The following LARP4B variants were observed in gnomAD, a reference collection of about 807,000 sequenced individuals.
LARP4B encodes the protein La ribonucleoprotein 4B.
Under a neutral mutation model 89.8 loss-of-function variants are expected in LARP4B, and 12 were observed. The observed-to-expected ratio is 0.13, with a 90% confidence interval of 0.09 to 0.22. The LOEUF (loss-of-function observed/expected upper bound fraction) is 0.22, where lower values mean the gene tolerates loss of function less well. Among genes scored for constraint, LARP4B ranks in the 10% least tolerant of loss-of-function variants. The pLI, the probability that LARP4B is intolerant of heterozygous loss-of-function variation, is 1.00. For synonymous variants in LARP4B, 367 were observed against 363.3 expected (o/e 1.01, Z -0.12); for missense variants, 757 against 947.7 (o/e 0.80, Z 2.64).
In LARP4B at chr10:830,951, A is replaced by G; in HGVS notation, c.777T>C (p.Asp259=). ...VEEVEALFKG[D]NLPKFINCEF... is the part of the protein sequence containing the mutation. ...CACAGTTTATAAATTTTGGTAAATT[A>G]TCTCCTTTAAATAGTGCTTCTACTT... The change falls in exon 9 of 18, where the codon GAT becomes GAC. Residue 259 remains aspartate, a synonymous_variant. Transcript: ENST00000316157. The G allele has an allele frequency of 8.3e-7, 1 of 1,200,710 alleles. No homozygotes were observed. Among genetic ancestry groups the G allele is most frequent in the South Asian group, 1.2e-5 (1 of 80,660 alleles). 74.4% of individuals were successfully genotyped at this position (1,200,710 alleles called of 1,614,324 possible). A position where few individuals can be genotyped will look rare whatever the true frequency, so the allele number is the denominator to read the frequency against.
At chr10:823,160 G>A (rs1417927276) in intron 13 of LARP4B, among the ~76,000 whole-genome samples, 2 of 152,120 alleles carry the variant, frequency 1.3e-5, no homozygotes, top group East Asian at 1.9e-4. Context: ...AGTTGCATGC[G>A]CTTTCCCTGC....
At chr10:862,841 T>C (rs539422339) in intron 5 of LARP4B, among the ~76,000 whole-genome samples, 2 of 152,276 alleles carry the variant, frequency 1.3e-5, no homozygotes, top group Admixed American at 1.3e-4. Flanking sequence ...GAACATCTCC[T>C]TTCCCACCTA....
chr10:957,109 A>G, the LARP4B span, among the ~76,000 whole-genome samples: 1 of 152,110 alleles, frequency 6.6e-6, no homozygotes, highest in Non-Finnish European at 1.5e-5. Flanking sequence ...GGGAGAGTGC[A>G]AGCTCTTCCT....
intron 15 of LARP4B, 80 bp from the exon 16 acceptor site, chr10:815,150 G>A (rs1331024584): frequency 8.1e-6 from 12 of 1,480,612 alleles, no homozygotes; most frequent in African/African-American, 1.4e-5. Flanking sequence ...CACCCCACCC[G>A]TGAACAGCCT....
upstream of LARP4B, among the ~76,000 whole-genome samples, chr10:932,561 A>C (rs1474801723): frequency 1.9e-4 from 2 of 10,364 alleles, no homozygotes; most frequent in South Asian, 3.5e-3. Flanking sequence ...GCCCTGCCCC[A>C]AACTCCCACC....
intron 7 of LARP4B, among the ~76,000 whole-genome samples, chr10:841,424 G>A (rs994498010): frequency 8.5e-5 from 13 of 152,232 alleles, no homozygotes; most frequent in Admixed American, 7.2e-4. Context: ...GAGGAGATGG[G>A]ACGAAATAGG....
At chr10:907,115 G>T (rs997459048) in intron 1 of LARP4B, among the ~76,000 whole-genome samples, 3 of 152,206 alleles carry the variant, frequency 2.0e-5, no homozygotes, top group African/African-American at 7.2e-5. Flanking sequence ...CAGGAATACA[G>T]CATATCAAAT....
At chr10:827,820 T>C (rs1832710237) in intron 11 of LARP4B, among the ~76,000 whole-genome samples, 1 of 152,252 alleles carries the variant, frequency 6.6e-6, no homozygotes, top group Admixed American at 6.5e-5. Flanking sequence ...TCTGAGGTTC[T>C]CTCATGATAT....
intron 4 of LARP4B, 117 bp downstream of exon 4, chr10:864,006 C>G: frequency 1.3e-6 from 2 of 1,548,980 alleles, no homozygotes; most frequent in South Asian, 2.4e-5. Context: ...CTCTCAAGCA[C>G]TGCCACATAC....
In LARP4B at chr10:862,192, A is replaced by G. The variant is rs570795752; in HGVS notation, c.430+1551T>C. ...GAAACAAGCATGGCTTAATTTTTGT[A>G]CCTTTATAAATACTTGATTCATTTT... On this transcript the variant is annotated intron_variant, in intron 5 of 17. Coordinates refer to ENST00000316157, the MANE Select transcript of LARP4B (RefSeq NM_015155.3). Among the ~76,000 whole-genome samples the G allele has an allele frequency of 1.0e-4, 15 of 148,374 alleles. No homozygotes were observed. The East Asian group carries it at 2.2e-3, about 21-fold the overall frequency.
chr10:949,442 T>A, the LARP4B span, among the ~76,000 whole-genome samples: 1 of 148,018 alleles, frequency 6.8e-6, no homozygotes, highest in East Asian at 2.0e-4. Flanking sequence ...ATCCCACCAG[T>A]CCCACATGAG....
the LARP4B span, among the ~76,000 whole-genome samples, chr10:964,788 G>T: frequency 6.6e-6 from 1 of 152,218 alleles, no homozygotes; most frequent in African/African-American, 2.4e-5. Flanking sequence ...GGGGTGCCGG[G>T]GCTGCGGGGA....
At chr10:887,389 C>T (rs1352075082) in intron 1 of LARP4B, among the ~76,000 whole-genome samples, 1 of 150,758 alleles carries the variant, frequency 6.6e-6, no homozygotes, top group Non-Finnish European at 1.5e-5. Context: ...AAACATCATG[C>T]TATATACCTT....
At chr10:869,614 C>T (rs1359617773) in intron 3 of LARP4B, among the ~76,000 whole-genome samples, 4 of 152,042 alleles carry the variant, frequency 2.6e-5, no homozygotes, top group African/African-American at 7.2e-5. Context: ...TTGGCCAGCC[C>T]GGTGGCTCAT....
the LARP4B span, chr10:987,796 G>C: frequency 1.3e-5 from 2 of 152,330 alleles, no homozygotes; most frequent in Non-Finnish European, 2.9e-5. Context: ...CTCTCCTAAG[G>C]CACTGCGCGG....
chr10:814,815 T>C lies in LARP4B; in HGVS notation c.1856A>G (p.His619Arg). 1.3e-6 allele frequency: 2 copies of C among 1,599,346 alleles called. No homozygotes were observed. The highest frequency in any genetic ancestry group is 1.7e-6 in the Non-Finnish European group (2 of 1,168,668). ...PKVAEKQRET[H>R]SVDRLPSALT... ...GGCGGAAGGAAGTCTGTCCACACTG[T>C]GGGTTTCCCTCTGTTTCTCCGCCAC... Residue 619 changes from histidine (H) to arginine (R), a missense_variant, in exon 17 of 18, where the codon CAC becomes CGC. His to Arg is a conservative substitution (Grantham distance 29). Transcript: ENST00000316157. This position sits in a 1 kb window ranked among gnomAD's most constrained non-coding sequence, Gnocchi z 4.4.
At chr10:937,867 T>C in the LARP4B span, among the ~76,000 whole-genome samples, 1 of 152,082 alleles carries the variant, frequency 6.6e-6, no homozygotes, top group Non-Finnish European at 1.5e-5. Context: ...CTGGATTTTA[T>C]TTTATTTTAT....
At chr10:929,242 AC>A (rs1222664524) in intron 1 of LARP4B, among the ~76,000 whole-genome samples, 4 of 145,850 alleles carry the variant, frequency 2.7e-5, no homozygotes, top group African/African-American at 8.4e-5. Flanking sequence ...AAACAAAAAA[AC>A]AAAAACAAAA....
chr10:926,579 T>C (rs1022163732), intron 1 of LARP4B, among the ~76,000 whole-genome samples: 4 of 152,222 alleles, frequency 2.6e-5, no homozygotes, highest in African/African-American at 9.6e-5. Context: ...TATGCCACAC[T>C]CTGGCTACAG....
Sources: allele counts gnomAD v4.1 joint callset (sites outside exome capture counted in the v4.1 genomes callset), GRCh38; gene constraint gnomAD v4.1.1; non-coding constraint Gnocchi (gnomAD v3.1); transcripts MANE v1.5; gene names NCBI Gene and HGNC (gene_info 2026-07-23, HGNC 2026-07-21).